CSRNP3: variants seen among roughly 807,000 people sequenced by gnomAD.
CSRNP3 encodes cysteine and serine rich nuclear protein 3, also known as cysteine/serine-rich nuclear protein 3.
A neutral mutation model predicts 48.0 loss-of-function variants in CSRNP3; 12 were observed. The ratio of observed to expected loss-of-function variants is 0.25; its 90% confidence interval spans 0.16 to 0.41. CSRNP3 has a LOEUF of 0.41. Among genes scored for constraint, CSRNP3 ranks in the 10% least tolerant of loss-of-function variants. CSRNP3 has a pLI of 1.00. For synonymous variants in CSRNP3, 263 were observed against 269.7 expected (o/e 0.98, Z 0.24); for missense variants, 580 against 724.4 (o/e 0.80, Z 2.29).
chr2:165,528,128 G>A (rs1395798090), intron 3 of CSRNP3, among the ~76,000 whole-genome samples: 1 of 152,102 alleles, frequency 6.6e-6, no homozygotes, highest in African/African-American at 2.4e-5. Flanking sequence ...GTCATATACT[G>A]TTGATAGAAA....
chr2:165,482,852 T>C (rs1323801972), intron 1 of CSRNP3, among the ~76,000 whole-genome samples: 1 of 152,164 alleles, frequency 6.6e-6, no homozygotes, highest in Non-Finnish European at 1.5e-5. Context: ...CCAGGACTGT[T>C]TAATCTACAT....
intron 1 of CSRNP3, among the ~76,000 whole-genome samples, chr2:165,477,647 C>A (rs988772885): frequency 7.0e-6 from 1 of 142,334 alleles, no homozygotes; most frequent in Non-Finnish European, 1.5e-5. Flanking sequence ...CCAGCCTGGG[C>A]GACAGAGCCA....
At chr2:165,503,973 T>C (rs1684391910) in intron 2 of CSRNP3, among the ~76,000 whole-genome samples, 1 of 152,014 alleles carries the variant, frequency 6.6e-6, no homozygotes, top group African/African-American at 2.4e-5. Flanking sequence ...AGAATCTTAA[T>C]AGTACATAGC....
At chr2:165,655,036 C>T (rs560647548) in intron 4 of CSRNP3, among the ~76,000 whole-genome samples, 1 of 152,158 alleles carries the variant, frequency 6.6e-6, no homozygotes, top group Non-Finnish European at 1.5e-5. Flanking sequence ...TGATATTAAT[C>T]ATAGCAGCCT....
chr2:165,542,350 A>G (rs1164372221), intron 3 of CSRNP3, among the ~76,000 whole-genome samples: 1 of 152,206 alleles, frequency 6.6e-6, no homozygotes, highest in Non-Finnish European at 1.5e-5. Context: ...GGAATCACTT[A>G]AAACTCACTG....
At chr2:165,493,392 G>T (rs1684245422) in intron 1 of CSRNP3, among the ~76,000 whole-genome samples, 1 of 152,080 alleles carries the variant, frequency 6.6e-6, no homozygotes, top group Non-Finnish European at 1.5e-5. Context: ...GAGGGTTTCA[G>T]ATAGTGTGTT....
intron 3 of CSRNP3, among the ~76,000 whole-genome samples, chr2:165,563,532 T>C (rs1685261197): frequency 6.6e-6 from 1 of 152,202 alleles, no homozygotes. Context: ...AATCATTCAT[T>C]GCTCAATTAA....
chr2:165,665,220 A>G (rs1573954655), intron 5 of CSRNP3, among the ~76,000 whole-genome samples: 1 of 152,138 alleles, frequency 6.6e-6, no homozygotes, highest in East Asian at 1.9e-4. Context: ...AGGGTGCGCC[A>G]CTGCTACTGA....
intron 5 of CSRNP3, among the ~76,000 whole-genome samples, chr2:165,660,905 T>C (rs1202233569): frequency 6.6e-6 from 1 of 152,162 alleles, no homozygotes; most frequent in Non-Finnish European, 1.5e-5. Flanking sequence ...GATAATGACA[T>C]TTTGAGATGA....
At chr2:165,568,346 G>C (rs896795841) in intron 3 of CSRNP3, among the ~76,000 whole-genome samples, 3 of 152,090 alleles carry the variant, frequency 2.0e-5, no homozygotes, top group African/African-American at 7.2e-5. Context: ...ATCTAAGAGA[G>C]AGCACCAGAC....
intron 2 of CSRNP3, among the ~76,000 whole-genome samples, chr2:165,503,756 A>G (rs1684388924): frequency 6.6e-6 from 1 of 151,892 alleles, no homozygotes; most frequent in Admixed American, 6.6e-5. Flanking sequence ...CTAAGTTTTT[A>G]ACAATTGTTG....
rs148377914 is a variant in CSRNP3 at position 165,640,573 on chromosome 2, G to A, written c.149-17188G>A. ...AGGCTTACAGGGGCTTACTACTTAC[G>A]TTGCTTCTAGCTGCTTCTAACATGC... On this transcript the variant is annotated intron_variant, in intron 4 of 6. Transcript: ENST00000651982. 7.6e-4 allele frequency among the ~76,000 whole-genome samples: 115 copies of A among 152,230 alleles called. No homozygotes were observed. The East Asian group carries it at 8.3e-3, about 11-fold the overall frequency.
rs541372973 is a variant in CSRNP3 at position 165,579,371 on chromosome 2, C to T, written c.-23-15672C>T. ...CTAGAAGTACGGTCTCCACAAAATC[C>T]CCAGGTATGATGTGGCAATATGTGC... On this transcript the variant is annotated intron_variant, in intron 3 of 6. Coordinates refer to ENST00000651982, the MANE Select transcript of CSRNP3 (RefSeq NM_001172173.2). Among the ~76,000 whole-genome samples the T allele has an allele frequency of 2.0e-5, 3 of 152,210 alleles. No homozygotes were observed. In the East Asian group the frequency reaches 5.8e-4, roughly 29 times the overall value.
rs771470816 is a variant in CSRNP3 at position 165,666,122 on chromosome 2, A to AAAGG, written c.408+8121_408+8124dup. 8.7e-3 allele frequency among the ~76,000 whole-genome samples: 963 copies of AAAGG among 110,370 alleles called. 33 individuals carry two copies. Among genetic ancestry groups the AAAGG allele is most frequent in the African/African-American group, 0.029 (886 of 30,660 alleles). 72.4% of individuals were successfully genotyped at this position (110,370 alleles called of 152,430 possible). A position where few individuals can be genotyped will look rare whatever the true frequency, so the allele number is the denominator to read the frequency against. On this transcript the variant is annotated intron_variant, in intron 5 of 6. Coordinates refer to ENST00000651982, the MANE Select transcript of CSRNP3 (RefSeq NM_001172173.2). ...GAGAGGAAGAAAGAAAGAGAGAGAG[A>AAAGG]AAGGAAGGAAGGAAGGAAGGAAAGA...
intron 5 of CSRNP3, among the ~76,000 whole-genome samples, chr2:165,665,574 A>C (rs1436142024): frequency 6.6e-6 from 1 of 152,104 alleles, no homozygotes; most frequent in Non-Finnish European, 1.5e-5. Flanking sequence ...CAGCCTGGGC[A>C]ACATAGTGAG....
intron 3 of CSRNP3, among the ~76,000 whole-genome samples, chr2:165,574,988 G>A (rs1347887458): frequency 6.6e-6 from 1 of 152,104 alleles, no homozygotes; most frequent in Non-Finnish European, 1.5e-5. Flanking sequence ...TTCTATTGGG[G>A]CTAGATCCTT....
chr2:165,475,632 C>A (rs954591422), intron 1 of CSRNP3, among the ~76,000 whole-genome samples: 1 of 152,100 alleles, frequency 6.6e-6, no homozygotes, highest in African/African-American at 2.4e-5. Flanking sequence ...ATTGTTTTGC[C>A]GATTGAATAA....
chr2:165,654,441 G>A (rs1468907274), intron 4 of CSRNP3, among the ~76,000 whole-genome samples: 4 of 152,062 alleles, frequency 2.6e-5, no homozygotes, highest in African/African-American at 9.7e-5. Context: ...TCACTTTCTG[G>A]CAATATCTTC....
chr2:165,679,638 A>G lies in CSRNP3; in HGVS notation c.1643A>G (p.Asn548Ser). The G allele has an allele frequency of 6.2e-7, 1 of 1,614,160 alleles. No individual in the cohort carries two copies. Residue 548 changes from asparagine (N) to serine (S), a missense_variant, in exon 7 of 7, where the codon AAT (asparagine) becomes AGT (serine). Asn to Ser is a conservative substitution (Grantham distance 46, BLOSUM62 1). This residue lies in a region of CSRNP3 where 369 missense variants were observed against 380.8 expected (regional missense o/e 0.97). Coordinates refer to ENST00000651982, the MANE Select transcript of CSRNP3 (RefSeq NM_001172173.2). ...CAAGAAGGGTTTGTCTCTGCATTGA[A>G]TGGTGACAGTCACATTTCAGAGCAT... ...PSQEGFVSAL[N>S]GDSHISEHPA... is the part of the protein sequence containing the mutation.
Sources: gnomAD v4.1 joint callset for allele counts (sites outside exome capture counted in the v4.1 genomes callset) on GRCh38, gnomAD v4.1.1 for gene constraint, gnomAD v4.1.1 regional missense constraint, MANE v1.5 for transcripts, NCBI Gene and HGNC (gene_info 2026-07-23, HGNC 2026-07-21) for gene names.